The following SOX6 variants were observed in gnomAD, a reference collection of about 807,000 sequenced individuals.
SOX6 encodes transcription factor SOX-6.
A neutral mutation model predicts 97.8 loss-of-function variants in SOX6; 11 were observed. That is an observed-to-expected ratio of 0.11 (90% CI 0.07 to 0.19). The LOEUF (loss-of-function observed/expected upper bound fraction) is 0.19, where lower values mean the gene tolerates loss of function less well. Ranked by LOEUF, SOX6 falls within the 10% of genes least tolerant of loss-of-function variation. The pLI is 1.00. For synonymous variants in SOX6, 360 were observed against 371.4 expected, an observed-to-expected ratio of 0.97 and a Z score of 0.35; for missense variants, 810 against 1,039.5, an observed-to-expected ratio of 0.78 and a Z score of 3.04.
chr11:16,279,293 G>C (rs928126805), intron 3 of SOX6, among the ~76,000 whole-genome samples: 5 of 152,078 alleles, frequency 3.3e-5, no homozygotes, highest in Admixed American at 1.3e-4. Context: ...TAAGAAACTT[G>C]TTTTTGGATC....
At position 15,973,105 on chromosome 11, in the gene SOX6, G is replaced by C. The variant is rs1464392718; in HGVS notation, c.2191C>G (p.Pro731Ala). Residue 731 changes from proline (P) to alanine (A), a missense_variant, in exon 16 of 16, where the codon CCT becomes GCT. Pro to Ala is a conservative substitution (Grantham distance 27, BLOSUM62 -1). Around this residue, in one of 9 missense-constraint regions of SOX6, gnomAD observed 122 missense variants for 153.4 expected, o/e 0.80. Coordinates refer to ENST00000683767, the MANE Select transcript of SOX6 (RefSeq NM_001367873.1). ...MRQFFTVGQQ[P>A]QIPITTGTGV... is the part of the protein sequence containing the mutation. ...GTTCCTGTGGTGATTGGAATCTGAG[G>C]CTGTTGCCTATATAGATTCAAGAAA... 6.2e-7 allele frequency: 1 copy of C among 1,614,042 alleles called. No individual in the cohort carries two copies. Among genetic ancestry groups the C allele is most frequent in the Non-Finnish European group, 8.5e-7 (1 of 1,180,022 alleles).
At chr11:16,645,154 T>C (rs555611754) in intron 3 of SOX6, among the ~76,000 whole-genome samples, 2 of 152,324 alleles carry the variant, frequency 1.3e-5, no homozygotes, top group African/African-American at 4.8e-5. Flanking sequence ...CTGTTTTCCT[T>C]TTCATCCCAG....
intron 1 of SOX6, among the ~76,000 whole-genome samples, chr11:16,395,628 G>C (rs531812598): frequency 6.6e-6 from 1 of 151,740 alleles, no homozygotes; most frequent in East Asian, 1.9e-4. Flanking sequence ...TTTATGCTAA[G>C]AATATTTTTG....
intron 4 of SOX6, among the ~76,000 whole-genome samples, chr11:16,528,718 T>A (rs1328006009): frequency 1.3e-5 from 2 of 152,142 alleles, no homozygotes; most frequent in East Asian, 3.9e-4. Context: ...GATATGTGAA[T>A]GAGAACCCAA....
intron 3 of SOX6, chr11:16,269,887 G>A (rs943539273): frequency 1.3e-5 from 2 of 150,928 alleles, no homozygotes; most frequent in South Asian, 2.1e-4. Flanking sequence ...ATTTTACTTC[G>A]TTACAACTTC....
chr11:16,647,513 C>G (rs542349728), intron 3 of SOX6, among the ~76,000 whole-genome samples: 1 of 152,182 alleles, frequency 6.6e-6, no homozygotes, highest in Non-Finnish European at 1.5e-5. Context: ...ACAGGGCTAA[C>G]GTGCAGCTCC....
At chr11:16,361,009 A>AG (rs1197711036), upstream of SOX6, among the ~76,000 whole-genome samples, 4 of 130,338 alleles carry the variant, frequency 3.1e-5, no homozygotes, top group African/African-American at 1.2e-4. Context: ...TCTCAAAAAA[A>AG]AAAAAGAAGA....
chr11:16,089,944 T>C (rs989296042), intron 9 of SOX6, among the ~76,000 whole-genome samples: 1 of 152,138 alleles, frequency 6.6e-6, no homozygotes, highest in African/African-American at 2.4e-5. Context: ...AACTTTCTAA[T>C]GTACCCTTAA....
At chr11:16,405,137 G>A (rs879266135) in intron 1 of SOX6, among the ~76,000 whole-genome samples, 2 of 151,836 alleles carry the variant, frequency 1.3e-5, no homozygotes, top group Non-Finnish European at 2.9e-5. Context: ...GCATTATGAG[G>A]TTTTTAATTT....
chr11:16,655,576 T>C (rs1457268561), intron 3 of SOX6, among the ~76,000 whole-genome samples: 1 of 152,236 alleles, frequency 6.6e-6, no homozygotes, highest in African/African-American at 2.4e-5. Flanking sequence ...AGTATACTTT[T>C]GATATGGAAT....
intron 4 of SOX6, among the ~76,000 whole-genome samples, chr11:16,505,355 G>A (rs1051426004): frequency 2.0e-5 from 3 of 152,164 alleles, no homozygotes; most frequent in Non-Finnish European, 2.9e-5. Flanking sequence ...AGATGACTTA[G>A]GGTATCTGGC....
At chr11:16,593,767 T>C (rs1848180088) in intron 4 of SOX6, among the ~76,000 whole-genome samples, 1 of 152,206 alleles carries the variant, frequency 6.6e-6, no homozygotes, top group African/African-American at 2.4e-5. Context: ...ATTAATATTC[T>C]CATTTAACAC....
At chr11:16,372,850 T>C (rs559920952) in intron 1 of SOX6, among the ~76,000 whole-genome samples, 52 of 152,044 alleles carry the variant, frequency 3.4e-4, no homozygotes, top group Admixed American at 8.5e-4. Context: ...AAAATTAAGG[T>C]TCTGATATAA....
chr11:16,131,730 T>G (rs1229500654), intron 6 of SOX6, among the ~76,000 whole-genome samples: 1 of 152,084 alleles, frequency 6.6e-6, no homozygotes, highest in East Asian at 1.9e-4. Flanking sequence ...TATGGAATAC[T>G]ACTTAGCAAT....
intron 7 of SOX6, among the ~76,000 whole-genome samples, chr11:16,100,303 G>A (rs1848911729): frequency 6.6e-6 from 1 of 151,702 alleles, no homozygotes; most frequent in Non-Finnish European, 1.5e-5. Flanking sequence ...GGAAGGTGAA[G>A]CTTGTTGAAA....
chr11:16,525,665 C>T (rs1261971655), intron 4 of SOX6, among the ~76,000 whole-genome samples: 1 of 151,748 alleles, frequency 6.6e-6, no homozygotes, highest in Admixed American at 6.6e-5. Context: ...TTCTGCACAG[C>T]ACAAGAAACT....
intron 4 of SOX6, among the ~76,000 whole-genome samples, chr11:16,215,870 G>C (rs565058090): frequency 2.8e-4 from 42 of 152,124 alleles, no homozygotes; most frequent in Non-Finnish European, 3.8e-4. Context: ...TTTTGGTTTT[G>C]TTTTTCTGTT....
intron 6 of SOX6, among the ~76,000 whole-genome samples, chr11:16,166,650 C>CA: frequency 6.6e-6 from 1 of 152,058 alleles, no homozygotes; most frequent in East Asian, 1.9e-4. Context: ...TTTAAAAGGC[C>CA]CAAGGGACTG....
chr11:16,203,197 A>G (rs1224001149), intron 4 of SOX6, among the ~76,000 whole-genome samples: 2 of 152,130 alleles, frequency 1.3e-5, no homozygotes, highest in African/African-American at 4.8e-5. Context: ...GGTGCCCTTC[A>G]GGTTTCTTTT....
Sources: gnomAD v4.1 joint callset for allele counts (sites outside exome capture counted in the v4.1 genomes callset) on GRCh38, gnomAD v4.1.1 for gene constraint, gnomAD v4.1.1 regional missense constraint, MANE v1.5 for transcripts, NCBI Gene and HGNC (gene_info 2026-07-23, HGNC 2026-07-21) for gene names.